RBFOX1: variants seen among roughly 807,000 people sequenced by gnomAD.
RBFOX1 encodes RNA binding protein fox-1 homolog 1.
In RBFOX1, 8 loss-of-function variants were observed where a neutral mutation model predicts 57.7. The observed-to-expected ratio is 0.14, with a 90% CI of 0.08 to 0.25. The LOEUF (loss-of-function observed/expected upper bound fraction) is 0.25, where lower values mean the gene tolerates loss of function less well. RBFOX1 is among the 10% of genes least tolerant of loss of function. RBFOX1 has a pLI of 1.00. For missense variants in RBFOX1, 611 were observed against 548.5 expected (o/e 1.11, Z -1.14); for synonymous variants, 326 against 222.4 (o/e 1.47, Z -4.15).
intron 3 of RBFOX1, among the ~76,000 whole-genome samples, chr16:7,006,832 C>T (rs1455926231): frequency 6.6e-6 from 1 of 152,292 alleles, no homozygotes; most frequent in South Asian, 2.1e-4. Context: ...CCCTCAGCTC[C>T]CAAGCAGTGG....
At chr16:5,527,521 A>G (rs2044293535) in intron 2 of RBFOX1, among the ~76,000 whole-genome samples, 1 of 152,200 alleles carries the variant, frequency 6.6e-6, no homozygotes, top group Non-Finnish European at 1.5e-5. Context: ...TATATGAGCA[A>G]GAAGTAATTT....
At chr16:5,934,713 A>C (rs923689926) in intron 4 of RBFOX1, among the ~76,000 whole-genome samples, 5 of 152,246 alleles carry the variant, frequency 3.3e-5, no homozygotes, top group Admixed American at 6.5e-5. Context: ...TGCCCCATAA[A>C]TATGTATAAT....
intron 4 of RBFOX1, among the ~76,000 whole-genome samples, chr16:7,264,434 G>A (rs182061374): frequency 9.9e-5 from 15 of 152,182 alleles, no homozygotes; most frequent in Non-Finnish European, 2.1e-4. Flanking sequence ...CAGTAGTCCA[G>A]TGTCTTGCTC....
intron 3 of RBFOX1, among the ~76,000 whole-genome samples, chr16:5,730,231 A>G (rs2052314315): frequency 6.6e-6 from 1 of 152,212 alleles, no homozygotes; most frequent in Non-Finnish European, 1.5e-5. Context: ...CAAGCTGACC[A>G]CAGGTTTATT....
At chr16:6,976,333 C>A (rs1045833341) in intron 3 of RBFOX1, among the ~76,000 whole-genome samples, 5 of 152,096 alleles carry the variant, frequency 3.3e-5, no homozygotes, top group Non-Finnish European at 1.5e-5. Flanking sequence ...CTAAATTTCT[C>A]CTCTATCCTT....
At chr16:6,576,661 A>G (rs1203138283) in intron 2 of RBFOX1, among the ~76,000 whole-genome samples, 1 of 123,738 alleles carries the variant, frequency 8.1e-6, no homozygotes, top group Non-Finnish European at 2.0e-5. Flanking sequence ...TGGCAGGGTG[A>G]GGGAGGTGGT....
chr16:7,092,686 C>T (rs1418967800), intron 4 of RBFOX1, among the ~76,000 whole-genome samples: 1 of 152,188 alleles, frequency 6.6e-6, no homozygotes, highest in African/African-American at 2.4e-5. Flanking sequence ...GTCTATGGTA[C>T]TGCGCCTTGG....
At chr16:5,456,906 T>C (rs905194598) in intron 1 of RBFOX1, among the ~76,000 whole-genome samples, 2 of 152,216 alleles carry the variant, frequency 1.3e-5, no homozygotes, top group Non-Finnish European at 2.9e-5. Context: ...CTTTCTTGTC[T>C]CTAGCACATT....
intron 4 of RBFOX1, among the ~76,000 whole-genome samples, chr16:7,136,867 A>G (rs543878263): frequency 6.6e-6 from 1 of 152,324 alleles, no homozygotes; most frequent in South Asian, 2.1e-4. Flanking sequence ...TATTTCTCTC[A>G]TACACAAAAT....
chr16:5,860,035 A>T (rs1322458256), intron 3 of RBFOX1, among the ~76,000 whole-genome samples: 1 of 152,190 alleles, frequency 6.6e-6, no homozygotes, highest in Non-Finnish European at 1.5e-5. Context: ...CTGACATTTC[A>T]GCTGTGGGTG....
At chr16:7,292,218 TATATG>T (rs1362768948) in intron 4 of RBFOX1, among the ~76,000 whole-genome samples, 1 of 118,126 alleles carries the variant, frequency 8.5e-6, no homozygotes, top group Non-Finnish European at 1.7e-5. Context: ...ATATATATGA[TATATG>T]ATATAGAACG....
intron 2 of RBFOX1, among the ~76,000 whole-genome samples, chr16:6,411,839 A>G (rs2152972227): frequency 6.6e-6 from 1 of 152,320 alleles, no homozygotes; most frequent in South Asian, 2.1e-4. Flanking sequence ...AAAACAATCA[A>G]AACATGGCCC....
chr16:5,568,890 G>T (rs2046168984), intron 2 of RBFOX1, among the ~76,000 whole-genome samples: 1 of 152,118 alleles, frequency 6.6e-6, no homozygotes, highest in African/African-American at 2.4e-5. Context: ...GCCCAGGTTG[G>T]AGTGCAGTGA....
At chr16:5,788,508 A>C (rs1194089781) in intron 3 of RBFOX1, among the ~76,000 whole-genome samples, 1 of 152,150 alleles carries the variant, frequency 6.6e-6, no homozygotes, top group Non-Finnish European at 1.5e-5. Context: ...AGGTGCCTGA[A>C]GTCCCAGCTA....
intron 2 of RBFOX1, among the ~76,000 whole-genome samples, chr16:5,544,762 C>T (rs1314783761): frequency 6.6e-6 from 1 of 151,948 alleles, no homozygotes; most frequent in Non-Finnish European, 1.5e-5. Context: ...ATATTGTGAA[C>T]AACTTTATGC....
intron 3 of RBFOX1, among the ~76,000 whole-genome samples, chr16:6,975,385 C>A (rs1333946418): frequency 6.6e-6 from 1 of 152,154 alleles, no homozygotes; most frequent in East Asian, 1.9e-4. Flanking sequence ...CCTGCCTCAG[C>A]CTCCCAAGTA....
chr16:7,336,966 C>T (rs1051366673), intron 4 of RBFOX1, among the ~76,000 whole-genome samples: 1 of 152,070 alleles, frequency 6.6e-6, no homozygotes, highest in Admixed American at 6.5e-5. Flanking sequence ...AGGGTGTTGT[C>T]CTAGACCCTG....
At chr16:5,693,392 CTG>C (rs1190377526) in intron 3 of RBFOX1, among the ~76,000 whole-genome samples, 7 of 150,324 alleles carry the variant, frequency 4.7e-5, no homozygotes, top group Admixed American at 3.3e-4. Context: ...AACAAAATAT[CTG>C]AAACTCTGAA....
At chr16:5,484,490 C>T (rs558029422) in intron 2 of RBFOX1, among the ~76,000 whole-genome samples, 2 of 152,352 alleles carry the variant, frequency 1.3e-5, no homozygotes, top group Admixed American at 6.5e-5. Context: ...TAATTAGAAA[C>T]AGTTAAGGCT....
Sources: allele counts gnomAD v4.1 joint callset (sites outside exome capture counted in the v4.1 genomes callset), GRCh38; gene constraint gnomAD v4.1.1; transcripts MANE v1.5; gene names NCBI Gene and HGNC (gene_info 2026-07-23, HGNC 2026-07-21).